ARMC8: variants seen among roughly 807,000 people sequenced by gnomAD.
ARMC8 encodes armadillo repeat containing 8.
ARMC8 carries 20 observed loss-of-function variants against 99.3 expected under a neutral mutation model. That is an observed-to-expected ratio of 0.20 (90% CI 0.14 to 0.29). The LOEUF (loss-of-function observed/expected upper bound fraction) is 0.29, where lower values mean the gene tolerates loss of function less well. Ranked by LOEUF, ARMC8 falls within the 10% of genes least tolerant of loss-of-function variation. ARMC8 has a pLI of 1.00. For missense variants in ARMC8, 569 were observed against 809.5 expected, an observed-to-expected ratio of 0.70 and a Z score of 3.60; for synonymous variants, 263 against 278.3, an observed-to-expected ratio of 0.95 and a Z score of 0.55.
intron 12 of ARMC8, among the ~76,000 whole-genome samples, chr3:138,259,584 TA>T (rs2047568856): frequency 6.6e-6 from 1 of 152,230 alleles, no homozygotes; most frequent in Admixed American, 6.5e-5. Flanking sequence ...CTAGCAGGGT[TA>T]CTGAATTATC....
intron 1 of ARMC8, among the ~76,000 whole-genome samples, chr3:138,194,199 C>T (rs1576569923): frequency 6.6e-6 from 1 of 151,202 alleles, no homozygotes; most frequent in African/African-American, 2.4e-5. Flanking sequence ...CCCACTGCCA[C>T]GCCCGGCTAA....
chr3:138,196,039 A>G (rs1011717864), intron 1 of ARMC8, among the ~76,000 whole-genome samples: 1 of 152,192 alleles, frequency 6.6e-6, no homozygotes, highest in Non-Finnish European at 1.5e-5. Flanking sequence ...TATAAGATCT[A>G]TTAATATTGG....
intron 19 of ARMC8, among the ~76,000 whole-genome samples, chr3:138,286,857 AC>A (rs1271456335): frequency 1.3e-5 from 2 of 152,198 alleles, no homozygotes; most frequent in Admixed American, 6.5e-5. Flanking sequence ...CTCTGGACTT[AC>A]ATATCCGCCT....
intron 2 of ARMC8, among the ~76,000 whole-genome samples, chr3:138,213,096 C>CT (rs1366246179): frequency 2.6e-5 from 4 of 152,176 alleles, no homozygotes; most frequent in African/African-American, 9.7e-5. Flanking sequence ...CAGTGAGACT[C>CT]TATCTTGAAG....
At chr3:138,198,680 T>C (rs908550941) in intron 1 of ARMC8, among the ~76,000 whole-genome samples, 2 of 151,838 alleles carry the variant, frequency 1.3e-5, no homozygotes, top group Non-Finnish European at 2.9e-5. Flanking sequence ...ACCCAGCTAA[T>C]TTTTTGTATT....
chr3:138,229,156 A>ATG (rs2045870819), intron 6 of ARMC8, 146 bp downstream of exon 6: 1 of 64,670 alleles, frequency 1.5e-5, no homozygotes, highest in African/African-American at 7.0e-5. Context: ...ATATATATAT[A>ATG]TATATATATA....
At chr3:138,237,647 T>C (rs1413600099) in intron 9 of ARMC8, 75 bp downstream of exon 9, 1 of 1,254,492 alleles carries the variant, frequency 8.0e-7, no homozygotes, top group Non-Finnish European at 1.1e-6. Flanking sequence ...CAACCAAATT[T>C]GCTTGCTTCC....
At chr3:138,293,371 C>T (rs925463034) in intron 21 of ARMC8, among the ~76,000 whole-genome samples, 1 of 152,264 alleles carries the variant, frequency 6.6e-6, no homozygotes, top group South Asian at 2.1e-4. Context: ...GAAACCCCGT[C>T]TCTACTAAAC....
chr3:138,199,583 G>C (rs1417449107), intron 1 of ARMC8, among the ~76,000 whole-genome samples: 13 of 152,114 alleles, frequency 8.5e-5, no homozygotes, highest in Non-Finnish European at 1.5e-5. Flanking sequence ...CAGTGAAATA[G>C]TACACATCAC....
intron 1 of ARMC8, among the ~76,000 whole-genome samples, chr3:138,196,778 A>G (rs2043758809): frequency 6.6e-6 from 1 of 152,062 alleles, no homozygotes; most frequent in African/African-American, 2.4e-5. Flanking sequence ...GAGGCAGGAG[A>G]ATTGCTTGAA....
chr3:138,199,911 G>A (rs1050409398), intron 1 of ARMC8, among the ~76,000 whole-genome samples: 4 of 152,154 alleles, frequency 2.6e-5, no homozygotes, highest in African/African-American at 9.7e-5. Context: ...TGAACTGAGG[G>A]TTTTGGAGGT....
intron 18 of ARMC8, among the ~76,000 whole-genome samples, chr3:138,281,031 C>G (rs909544706): frequency 6.6e-6 from 1 of 152,154 alleles, no homozygotes; most frequent in Non-Finnish European, 1.5e-5. Context: ...CTGTGCTGTT[C>G]TAGCCTGGAA....
chr3:138,294,603 C>T (rs904495189), intron 21 of ARMC8, among the ~76,000 whole-genome samples: 5 of 152,178 alleles, frequency 3.3e-5, no homozygotes, highest in Non-Finnish European at 5.9e-5. Context: ...AGAAACTGCA[C>T]TTGAATCCAG....
intron 12 of ARMC8, among the ~76,000 whole-genome samples, chr3:138,253,297 G>A (rs1445364552): frequency 6.6e-6 from 1 of 152,140 alleles, no homozygotes; most frequent in African/African-American, 2.4e-5. Context: ...GCTGGACCCT[G>A]TGCTAAGCAT....
Position 138,188,246 on chromosome 3 carries a change from C to T in ARMC8, c.45+647C>T, listed in dbSNP as rs114236283. ...GTCGCGGCTCTGAGTCAGAGGAACTCTATGTTCCCTGTGCCTGGTATTCCG... is the reference window on the plus strand; with the variant it reads ...GTCGCGGCTCTGAGTCAGAGGAACTTTATGTTCCCTGTGCCTGGTATTCCG... On this transcript the variant is annotated intron_variant, in intron 1 of 21. Coordinates refer to ENST00000469044, the MANE Select transcript of ARMC8 (RefSeq NM_001363941.2). The T allele has an allele frequency of 3.9e-3, 2,270 of 584,302 alleles. 45 individuals carry two copies. Among genetic ancestry groups the T allele is most frequent in the African/African-American group, 0.037 (1,990 of 53,506 alleles). 36.2% of individuals were successfully genotyped at this position (584,302 alleles called of 1,614,324 possible). A position where few individuals can be genotyped will look rare whatever the true frequency, so the allele number is the denominator to read the frequency against.
chr3:138,268,083 A>C (rs955444930), intron 15 of ARMC8, among the ~76,000 whole-genome samples: 1 of 152,036 alleles, frequency 6.6e-6, no homozygotes, highest in Non-Finnish European at 1.5e-5. Flanking sequence ...TCTCTGCTAA[A>C]AGTACAAAAA....
At chr3:138,198,925 T>G (rs1417825674) in intron 1 of ARMC8, among the ~76,000 whole-genome samples, 1 of 152,178 alleles carries the variant, frequency 6.6e-6, no homozygotes, top group Non-Finnish European at 1.5e-5. Flanking sequence ...GAAGTCAGGC[T>G]TACCTCTTAT....
At chr3:138,199,154 A>C (rs996737184) in intron 1 of ARMC8, among the ~76,000 whole-genome samples, 1 of 152,112 alleles carries the variant, frequency 6.6e-6, no homozygotes, top group Admixed American at 6.5e-5. Context: ...GGGAGGGAGG[A>C]TGCAGTGAAA....
At chr3:138,236,657 CTCAGGTTCCACATTAAAACA>C (rs1426472277) in intron 7 of ARMC8, among the ~76,000 whole-genome samples, 5 of 151,924 alleles carry the variant, frequency 3.3e-5, no homozygotes, top group Admixed American at 6.6e-5. Flanking sequence ...GCTTGTCAAC[CTCAGGTTCCACATTAAAACA>C]TCATGTGTAG....
Sources: allele counts gnomAD v4.1 joint callset (sites outside exome capture counted in the v4.1 genomes callset), GRCh38; gene constraint gnomAD v4.1.1; transcripts MANE v1.5; gene names NCBI Gene and HGNC (gene_info 2026-07-23, HGNC 2026-07-21).